POC5: variants seen among roughly 807,000 people sequenced by gnomAD.
POC5 encodes centrosomal protein POC5.
Under a neutral mutation model 62.9 loss-of-function variants are expected in POC5, and 48 were observed. The observed-to-expected ratio is 0.76, with a 90% confidence interval of 0.61 to 0.97. The LOEUF (loss-of-function observed/expected upper bound fraction) is 0.97. POC5 is among the 50% of genes least tolerant of loss of function. POC5 has a pLI of 0.00. For missense variants in POC5, 696 were observed against 679.5 expected (o/e 1.02, Z -0.27); for synonymous variants, 236 against 228.2 (o/e 1.03, Z -0.31).
In POC5 at chr5:75,677,857, T is replaced by C; in HGVS notation, c.1501A>G (p.Arg501Gly). Residue 501 changes from arginine (R) to glycine (G), a missense_variant, in exon 11 of 12, where the codon AGA becomes GGA. Physicochemically the swap from Arg to Gly is moderately radical, Grantham distance 125. Coordinates refer to ENST00000428202, the MANE Select transcript of POC5 (RefSeq NM_001099271.2). ...TGRCDFASKN[R>G]ISSSLAIMGV... ...ATTATAGCTAAACTGCTGCTAATTC[T>C]ATTTTTTGAAGCAAAATCACATCTT... 6.2e-7 allele frequency: 1 copy of C among 1,612,358 alleles called. No homozygotes were observed. The highest frequency in any genetic ancestry group is 8.5e-7 in the Non-Finnish European group (1 of 1,179,106).
chr5:75,709,960 CA>C (rs1777275352), intron 2 of POC5, among the ~76,000 whole-genome samples: 1 of 152,184 alleles, frequency 6.6e-6, no homozygotes, highest in Non-Finnish European at 1.5e-5. Flanking sequence ...TAGGTGTGGC[CA>C]AGAGACCTGG....
intron 10 of POC5, among the ~76,000 whole-genome samples, chr5:75,684,814 T>C (rs1369128537): frequency 6.6e-6 from 1 of 152,164 alleles, no homozygotes; most frequent in Non-Finnish European, 1.5e-5. Flanking sequence ...CACAGATTTT[T>C]TTTTTCTCCA....
At chr5:75,688,243 A>C (rs1424044719) in intron 9 of POC5, among the ~76,000 whole-genome samples, 1 of 152,226 alleles carries the variant, frequency 6.6e-6, no homozygotes, top group Non-Finnish European at 1.5e-5. Context: ...CATCATGACT[A>C]TCATCTTACA....
chr5:75,705,210 T>TAAAA (rs774214406), intron 4 of POC5: 1 of 151,614 alleles, frequency 6.6e-6, no homozygotes. Flanking sequence ...CAAACAAAAT[T>TAAAA]AAAAAAATAC....
Position 75,694,844 on chromosome 5 carries a change from T to C in POC5, c.514-13A>G, listed in dbSNP as rs755538908. ...ATATGATGTTTGTCTGAAAAATTAA[T>C]ATAGTGACAATTAAGTAGTTTGTTC... On this transcript the variant is annotated splice_polypyrimidine_tract_variant and intron_variant, in intron 5 of 11. Transcript: ENST00000428202. The C allele has an allele frequency of 2.0e-6, 3 of 1,481,220 alleles. No individual in the cohort carries two copies. Among genetic ancestry groups the C allele is most frequent in the South Asian group, 2.5e-5 (2 of 80,454 alleles). The allele number at this position is 1,481,220 out of a possible 1,614,324, so 91.8% of individuals were successfully genotyped here.
At chr5:75,690,592 A>C in intron 7 of POC5, 30 bp from the exon 8 acceptor site, 17 of 1,483,688 alleles carry the variant, frequency 1.1e-5, no homozygotes, top group Non-Finnish European at 1.5e-5. Flanking sequence ...AACTTCAAAA[A>C]CACAGTTGAT....
At chr5:75,693,438 C>T (rs1374615783) in intron 6 of POC5, among the ~76,000 whole-genome samples, 2 of 151,998 alleles carry the variant, frequency 1.3e-5, no homozygotes, top group African/African-American at 2.4e-5. Flanking sequence ...TTCTAAGCTA[C>T]TGGAAATATT....
chr5:75,712,345 G>A, intron 2 of POC5: 1 of 1,532,176 alleles, frequency 6.5e-7, no homozygotes, highest in Non-Finnish European at 9.0e-7. Flanking sequence ...AACATTTCAT[G>A]TAAATACCAC....
intron 9 of POC5, among the ~76,000 whole-genome samples, chr5:75,687,816 C>G (rs1776160799): frequency 6.6e-6 from 1 of 152,186 alleles, no homozygotes; most frequent in Non-Finnish European, 1.5e-5. Context: ...CCCAAGTAAA[C>G]AATTAAATTT....
chr5:75,693,595 G>T (rs527864151), intron 6 of POC5, among the ~76,000 whole-genome samples: 1 of 151,506 alleles, frequency 6.6e-6, no homozygotes, highest in East Asian at 1.9e-4. Context: ...GTATAACAAA[G>T]AAAATGACTG....
At chr5:75,709,087 C>A (rs1463552970) in intron 2 of POC5, among the ~76,000 whole-genome samples, 1 of 152,156 alleles carries the variant, frequency 6.6e-6, no homozygotes, top group Non-Finnish European at 1.5e-5. Context: ...GCCCTGGACC[C>A]CCAAAGTGCT....
chr5:75,714,727 T>G (rs192125706), intron 1 of POC5, among the ~76,000 whole-genome samples: 77 of 152,240 alleles, frequency 5.1e-4, no homozygotes, highest in African/African-American at 1.8e-3. Flanking sequence ...AGGATGCCTC[T>G]GAGGCACTAG....
Position 75,704,153 on chromosome 5 carries a change from C to CAA in POC5, c.308-1345_308-1344dup, listed in dbSNP as rs373819320. Among the ~76,000 whole-genome samples, 209 of 89,606 alleles carry CAA rather than the reference C, an allele frequency of 2.3e-3. 3 individuals carry two copies. Among genetic ancestry groups the CAA allele is most frequent in the African/African-American group, 7.9e-3 (197 of 24,850 alleles). The allele number at this position is 89,606 out of a possible 152,430, so 58.8% of individuals were successfully genotyped here. ...TGGGTGATAGAGCGAGACTCTGTCT[C>CAA]AAAAAAAAAAAAAAAAAGCACTGAG... On this transcript the variant is annotated intron_variant, in intron 4 of 11. Coordinates refer to ENST00000428202, the MANE Select transcript of POC5 (RefSeq NM_001099271.2).
At chr5:75,701,149 G>T (rs943741268) in intron 5 of POC5, among the ~76,000 whole-genome samples, 3 of 137,222 alleles carry the variant, frequency 2.2e-5, no homozygotes, top group African/African-American at 7.8e-5. Flanking sequence ...AACCATTGTG[G>T]AAGTCAGTGT....
intron 2 of POC5, chr5:75,712,608 T>G: frequency 2.5e-6 from 2 of 794,446 alleles, no homozygotes; most frequent in Non-Finnish European, 4.2e-6. Context: ...TTGTTTCACC[T>G]CTTACTGTGT....
intron 6 of POC5, among the ~76,000 whole-genome samples, chr5:75,693,006 TGTTATA>T (rs1580019234): frequency 1.4e-5 from 2 of 146,872 alleles, no homozygotes; most frequent in South Asian, 2.1e-4. Context: ...ACTATTAATA[TGTTATA>T]GTTATATATA....
intron 10 of POC5, among the ~76,000 whole-genome samples, chr5:75,678,919 T>C (rs1462529556): frequency 6.6e-6 from 1 of 152,174 alleles, no homozygotes; most frequent in Non-Finnish European, 1.5e-5. Context: ...CAGCCGCCTG[T>C]TTAAGTCTGA....
intron 10 of POC5, among the ~76,000 whole-genome samples, chr5:75,683,677 C>T (rs1027859059): frequency 6.7e-5 from 10 of 149,760 alleles, no homozygotes; most frequent in African/African-American, 2.5e-4. Flanking sequence ...GTTAGAGCCA[C>T]GATGTGCTTC....
intron 10 of POC5, among the ~76,000 whole-genome samples, chr5:75,681,115 G>C (rs902676342): frequency 1.3e-5 from 2 of 152,112 alleles, no homozygotes; most frequent in Non-Finnish European, 2.9e-5. Context: ...ATTAAAAACA[G>C]TATTTGTAGC....
Sources: allele counts gnomAD v4.1 joint callset (sites outside exome capture counted in the v4.1 genomes callset), GRCh38; gene constraint gnomAD v4.1.1; transcripts MANE v1.5; gene names NCBI Gene and HGNC (gene_info 2026-07-23, HGNC 2026-07-21).